Variants in HSPA12A observed in about 807,000 individuals in gnomAD.
The protein encoded by HSPA12A is heat shock 70 kDa protein 12A.
Under a neutral mutation model 69.2 loss-of-function variants are expected in HSPA12A, and 28 were observed. The ratio of observed to expected loss-of-function variants is 0.40; its 90% CI spans 0.30 to 0.55. The LOEUF is 0.55. HSPA12A is among the 20% of genes least tolerant of loss of function. The pLI, the probability that HSPA12A is intolerant of heterozygous loss-of-function variation, is 0.38. For synonymous variants in HSPA12A, 345 were observed against 370.5 expected, an observed-to-expected ratio of 0.93 and a Z score of 0.79; for missense variants, 686 against 900.7, an observed-to-expected ratio of 0.76 and a Z score of 3.05.
At chr10:116,682,469 A>C (rs555275439) in intron 7 of HSPA12A, among the ~76,000 whole-genome samples, 11 of 146,762 alleles carry the variant, frequency 7.5e-5, no homozygotes, top group South Asian at 2.2e-4. Flanking sequence ...GGGGGGGGCC[A>C]TTTCCTGACC....
At chr10:116,774,109 A>C (rs1445279989) in intron 2 of HSPA12A, among the ~76,000 whole-genome samples, 2 of 150,680 alleles carry the variant, frequency 1.3e-5, no homozygotes, top group African/African-American at 2.4e-5. Context: ...TCCCGGGTTC[A>C]CGCCATTCTC....
At chr10:116,739,539 C>G (rs529739406) in intron 1 of HSPA12A, among the ~76,000 whole-genome samples, 1 of 152,146 alleles carries the variant, frequency 6.6e-6, no homozygotes, top group Non-Finnish European at 1.5e-5. Flanking sequence ...TTGGTTTCCA[C>G]TCTTCATGTC....
intron 2 of HSPA12A, among the ~76,000 whole-genome samples, chr10:116,804,154 A>C (rs1236919544): frequency 1.3e-5 from 2 of 151,926 alleles, no homozygotes; most frequent in Non-Finnish European, 2.9e-5. Flanking sequence ...TCCTCCCTCC[A>C]AAAAAACGAT....
At chr10:116,734,401 G>A (rs1222236348) in intron 1 of HSPA12A, among the ~76,000 whole-genome samples, 1 of 139,292 alleles carries the variant, frequency 7.2e-6, no homozygotes, top group Non-Finnish European at 1.5e-5. Flanking sequence ...AGTGAGCCGA[G>A]ATCACACCAC....
rs80134699 is a variant in HSPA12A at position 116,721,897 on chromosome 10, C to T, written c.41-14612G>A. Among the ~76,000 whole-genome samples, 87 of 152,332 alleles carry T rather than the reference C, an allele frequency of 5.7e-4. 2 individuals carry two copies. The East Asian group carries it at 0.016, about 28-fold the overall frequency. On this transcript the variant is annotated intron_variant, in intron 1 of 11. Coordinates refer to ENST00000369209, the MANE Select transcript of HSPA12A (RefSeq NM_025015.3). Reference sequence around the variant, plus strand: ...TGTTATGAAAGAATGAGTGAACACACGTGGCCTTCCAGGACCCCTTGTTCC... The same window carrying T: ...TGTTATGAAAGAATGAGTGAACACATGTGGCCTTCCAGGACCCCTTGTTCC...
intron 1 of HSPA12A, chr10:116,835,169 C>A: frequency 2.7e-6 from 1 of 368,636 alleles, no homozygotes. Flanking sequence ...CGCAGAGGAG[C>A]TGGGTCCCTG....
At chr10:116,703,037 C>T (rs1850124776) in intron 3 of HSPA12A, among the ~76,000 whole-genome samples, 1 of 152,192 alleles carries the variant, frequency 6.6e-6, no homozygotes, top group Non-Finnish European at 1.5e-5. Flanking sequence ...TGATTCTAGC[C>T]TTTAATGGCA....
intron 1 of HSPA12A, among the ~76,000 whole-genome samples, chr10:116,715,216 G>A (rs528501833): frequency 6.6e-6 from 1 of 152,188 alleles, no homozygotes; most frequent in Non-Finnish European, 1.5e-5. Context: ...TCTGAGGCTG[G>A]CTGACAATTT....
intron 2 of HSPA12A, among the ~76,000 whole-genome samples, chr10:116,815,562 G>C (rs917139705): frequency 2.6e-5 from 4 of 152,152 alleles, no homozygotes; most frequent in Non-Finnish European, 5.9e-5. Context: ...GCAGAAGAGT[G>C]AGACCCTGTC....
rs1162423338 is a variant in HSPA12A at position 116,711,023 on chromosome 10, A to AT, written c.41-3739dup. On this transcript the variant is annotated intron_variant, in intron 1 of 11. Coordinates refer to ENST00000369209, the MANE Select transcript of HSPA12A (RefSeq NM_025015.3). ...TAAATGATCAGAAATAAAATACAGA[A>AT]TATTATCTATTAATCTATGAATATC... Among the ~76,000 whole-genome samples, 6 of 75,444 alleles carry AT rather than the reference A, an allele frequency of 8.0e-5. No homozygotes were observed. In the South Asian group the frequency reaches 2.8e-3, roughly 36 times the overall value. The allele number at this position is 75,444 out of a possible 152,430, so 49.5% of individuals were successfully genotyped here.
At chr10:116,801,591 A>AG (rs1844955706) in intron 2 of HSPA12A, among the ~76,000 whole-genome samples, 1 of 152,172 alleles carries the variant, frequency 6.6e-6, no homozygotes, top group Admixed American at 6.5e-5. Flanking sequence ...CACGAGCGCA[A>AG]TAGCTCAGAA....
At chr10:116,759,806 T>C (rs1388361228) in intron 2 of HSPA12A, among the ~76,000 whole-genome samples, 2 of 152,106 alleles carry the variant, frequency 1.3e-5, no homozygotes, top group Admixed American at 6.5e-5. Context: ...TGGGAGGTAA[T>C]TGAATCATGG....
intron 2 of HSPA12A, among the ~76,000 whole-genome samples, chr10:116,765,462 A>T (rs902086113): frequency 6.6e-6 from 1 of 152,182 alleles, no homozygotes; most frequent in Non-Finnish European, 1.5e-5. Flanking sequence ...CCGGGACCAT[A>T]GGAGGGGGAA....
chr10:116,786,672 C>T (rs1293847881), intron 2 of HSPA12A, among the ~76,000 whole-genome samples: 1 of 152,064 alleles, frequency 6.6e-6, no homozygotes, highest in Non-Finnish European at 1.5e-5. Flanking sequence ...CAGAGTCTGG[C>T]TCTGTCACCC....
At chr10:116,850,415 G>C (rs1044258414), upstream of HSPA12A, among the ~76,000 whole-genome samples, 5 of 152,000 alleles carry the variant, frequency 3.3e-5, no homozygotes, top group African/African-American at 1.2e-4. Context: ...CTCACCTTCC[G>C]GGTCTCTGCC....
At chr10:116,692,596 C>G in intron 5 of HSPA12A, 129 bp from the exon 6 acceptor site, 1 of 688,920 alleles carries the variant, frequency 1.5e-6, no homozygotes. Context: ...GTCCCCCAAA[C>G]TTACCAGCAT....
chr10:116,716,443 T>G (rs1850606779), intron 1 of HSPA12A, among the ~76,000 whole-genome samples: 1 of 126,186 alleles, frequency 7.9e-6, no homozygotes. Flanking sequence ...GGCAGGTGTG[T>G]GTTGGGGGGT....
At chr10:116,709,403 G>A (rs1469255976) in intron 1 of HSPA12A, among the ~76,000 whole-genome samples, 1 of 148,392 alleles carries the variant, frequency 6.7e-6, no homozygotes, top group Non-Finnish European at 1.5e-5. Context: ...AGCCGAGATT[G>A]TGCCACTGCA....
chr10:116,704,852 A>G (rs1850192301), intron 3 of HSPA12A, among the ~76,000 whole-genome samples: 1 of 152,136 alleles, frequency 6.6e-6, no homozygotes, highest in Non-Finnish European at 1.5e-5. Flanking sequence ...CAGACACTAC[A>G]GATCTGCGCC....
Sources: gnomAD v4.1 joint callset for allele counts (sites outside exome capture counted in the v4.1 genomes callset) on GRCh38, gnomAD v4.1.1 for gene constraint, MANE v1.5 for transcripts, NCBI Gene and HGNC (gene_info 2026-07-23, HGNC 2026-07-21) for gene names.